The following ZNF445 variants were observed in gnomAD, a reference collection of about 807,000 sequenced individuals.
ZNF445 encodes the protein zinc finger protein 168.
A neutral mutation model predicts 93.9 loss-of-function variants in ZNF445; 19 were observed. The observed-to-expected ratio is 0.20, with a 90% CI of 0.14 to 0.30. The LOEUF (loss-of-function observed/expected upper bound fraction) is 0.30, where lower values mean the gene tolerates loss of function less well. Among genes scored for constraint, ZNF445 ranks in the 10% least tolerant of loss-of-function variants. The pLI, the probability that ZNF445 is intolerant of heterozygous loss-of-function variation, is 1.00. For synonymous variants in ZNF445, 449 were observed against 446.3 expected (o/e 1.01, Z -0.08); for missense variants, 1,058 against 1,259.4 (o/e 0.84, Z 2.42).
Position 44,454,595 on chromosome 3 carries a change from T to G in ZNF445, c.429+526A>C, listed in dbSNP as rs9838150. ...GGACTACAGTCACATGCTACCACAT[T>G]CAGCTAATTTTTGTAGAAACAGGGT... On this transcript the variant is annotated intron_variant, in intron 3 of 7. Transcript: ENST00000396077. Among the ~76,000 whole-genome samples, 1,382 of 152,102 alleles carry G rather than the reference T, an allele frequency of 9.1e-3. 20 individuals are homozygous for G. The highest frequency in any genetic ancestry group is 0.032 in the African/African-American group (1,325 of 41,472).
intron 1 of ZNF445, among the ~76,000 whole-genome samples, chr3:44,464,970 G>A (rs1698173857): frequency 1.3e-5 from 2 of 151,630 alleles, no homozygotes; most frequent in Non-Finnish European, 2.9e-5. Flanking sequence ...GGTAGGCTGA[G>A]GCAGCAGAAT....
chr3:44,467,114 C>G (rs967833455), intron 1 of ZNF445, among the ~76,000 whole-genome samples: 1 of 152,156 alleles, frequency 6.6e-6, no homozygotes, highest in Admixed American at 6.5e-5. Flanking sequence ...AGGACTCTCA[C>G]GGAAAGCTAA....
chr3:44,455,077 A>G (rs1698009208), intron 3 of ZNF445, 44 bp downstream of exon 3: 2 of 1,612,636 alleles, frequency 1.2e-6, no homozygotes, highest in Admixed American at 3.3e-5. Context: ...CTGGCTCACT[A>G]GCAGGCAGAG....
chr3:44,446,161 TG>T lies in ZNF445; in HGVS notation c.*413del. The T allele has an allele frequency of 4.8e-6, 1 of 207,976 alleles. No homozygotes were observed. The highest frequency in any genetic ancestry group is 7.9e-5 in the South Asian group (1 of 12,590). 12.9% of individuals were successfully genotyped at this position (207,976 alleles called of 1,614,324 possible). A position where few individuals can be genotyped will look rare whatever the true frequency, so the allele number is the denominator to read the frequency against. Reference sequence around the variant, plus strand: ...GCTTTTAAAGTCAACAGAATAGGCATGGCCACAGGCCAAACTTGAAGACAAA... The same window carrying T: ...GCTTTTAAAGTCAACAGAATAGGCATGCCACAGGCCAAACTTGAAGACAAA... On this transcript the variant is annotated 3_prime_UTR_variant, in exon 8 of 8. Transcript: ENST00000396077. The surrounding 1 kb of genome is among the most constrained non-coding windows in gnomAD (Gnocchi z 4.2).
At chr3:44,456,409 T>C (rs1185688787) in intron 2 of ZNF445, among the ~76,000 whole-genome samples, 1 of 151,938 alleles carries the variant, frequency 6.6e-6, no homozygotes, top group Admixed American at 6.6e-5. Context: ...AGAGCAAGGG[T>C]CTGTCTCAAA....
At chr3:44,472,688 T>C (rs1360761116) in intron 1 of ZNF445, among the ~76,000 whole-genome samples, 1 of 152,022 alleles carries the variant, frequency 6.6e-6, no homozygotes, top group Non-Finnish European at 1.5e-5. Flanking sequence ...ACCCAGAGCA[T>C]AGTGAACATA....
chr3:44,471,187 C>G (rs1166039228), intron 1 of ZNF445, among the ~76,000 whole-genome samples: 1 of 152,192 alleles, frequency 6.6e-6, no homozygotes, highest in Non-Finnish European at 1.5e-5. Context: ...TAATATGACT[C>G]TTGGTTCAGT....
At chr3:44,473,667 G>A (rs1698304442) in intron 1 of ZNF445, among the ~76,000 whole-genome samples, 1 of 151,140 alleles carries the variant, frequency 6.6e-6, no homozygotes, top group African/African-American at 2.4e-5. Flanking sequence ...AGTGACTGAT[G>A]CCAGGCTGGG....
Position 44,456,121 on chromosome 3 carries a change from T to A in ZNF445, c.-147-425A>T, listed in dbSNP as rs565244488. Among the ~76,000 whole-genome samples the A allele has an allele frequency of 1.3e-3, 203 of 152,220 alleles. 1 individual carries two copies. The highest frequency in any genetic ancestry group is 4.8e-3 in the African/African-American group (198 of 41,548). ...GGAAAGGCAATGGGATTAGAATAGCTAAAATTATGACAGGTCAGGCATGGT... is the reference window on the plus strand; with the variant it reads ...GGAAAGGCAATGGGATTAGAATAGCAAAAATTATGACAGGTCAGGCATGGT... On this transcript the variant is annotated intron_variant, in intron 2 of 7. Transcript: ENST00000396077.
At position 44,448,443 on chromosome 3, in the gene ZNF445, T is replaced by G. The variant is rs1394751831; in HGVS notation, c.1228A>C (p.Lys410Gln). The G allele has an allele frequency of 6.2e-7, 1 of 1,613,904 alleles. No homozygotes were observed. Among genetic ancestry groups the G allele is most frequent in the East Asian group, 2.2e-5 (1 of 44,906 alleles). The change falls in exon 8 of 8, where the codon AAG becomes CAG. Residue 410 changes from lysine to glutamine, a missense_variant. Coordinates refer to ENST00000396077, the MANE Select transcript of ZNF445 (RefSeq NM_181489.6). ...HVTYLRVSGR[K>Q]ESLKHGCGKH... ...CCACAGCCATGTTTAAGGGATTCCT[T>G]TCTTCCAGAAACTCTCAAATATGTA...
In ZNF445 at chr3:44,446,204, C is replaced by G. The variant is rs1697875380; in HGVS notation, c.*371G>C. The G allele has an allele frequency of 4.3e-6, 1 of 233,896 alleles. No individual in the cohort carries two copies. The highest frequency in any genetic ancestry group is 5.3e-5 in the Admixed American group (1 of 18,982). 14.5% of individuals were successfully genotyped at this position (233,896 alleles called of 1,614,324 possible). Reference sequence around the variant, plus strand: ...GAAGACAAATCTAGGATCCCACTGGCCCCTTTCCAGCAGCCATAGCCCATG... The same window carrying G: ...GAAGACAAATCTAGGATCCCACTGGGCCCTTTCCAGCAGCCATAGCCCATG... On this transcript the variant is annotated 3_prime_UTR_variant, in exon 8 of 8. Coordinates refer to ENST00000396077, the MANE Select transcript of ZNF445 (RefSeq NM_181489.6). The surrounding 1 kb of genome is among the most constrained non-coding windows in gnomAD (Gnocchi z 4.2).
chr3:44,459,163 C>T (rs1053575159), intron 1 of ZNF445, among the ~76,000 whole-genome samples: 5 of 152,146 alleles, frequency 3.3e-5, no homozygotes, highest in African/African-American at 4.8e-5. Flanking sequence ...GCACCCAGAA[C>T]ACTGCCAGAC....
chr3:44,451,278 C>A (rs1392334336), intron 4 of ZNF445, 36 bp downstream of exon 4: 2 of 1,602,788 alleles, frequency 1.2e-6, no homozygotes, highest in Non-Finnish European at 1.7e-6. Flanking sequence ...AGAAGTGTGG[C>A]ATAAGGCTGG....
chr3:44,460,378 T>C (rs934224712), intron 1 of ZNF445, among the ~76,000 whole-genome samples: 7 of 152,190 alleles, frequency 4.6e-5, no homozygotes, highest in Admixed American at 2.6e-4. Context: ...GGGGACTAGA[T>C]TGCCTTTGTA....
rs1015159912 is a variant in ZNF445, at chr3:44,442,480, TG to T, written c.*4094del. 3.3e-5 allele frequency: 5 copies of T among 152,204 alleles called. No individual in the cohort carries two copies. The highest frequency in any genetic ancestry group is 1.2e-4 in the African/African-American group (5 of 41,458). 9.4% of individuals were successfully genotyped at this position (152,204 alleles called of 1,614,324 possible). On this transcript the variant is annotated 3_prime_UTR_variant, in exon 8 of 8. Coordinates refer to ENST00000396077, the MANE Select transcript of ZNF445 (RefSeq NM_181489.6). ...GTTGTTCCACGCACTTACCCACACT[TG>T]GGCTTTCAAAAATGTGCCAGCTTTC...
At position 44,451,386 on chromosome 3, in the gene ZNF445, T is replaced by C; in HGVS notation, c.526A>G (p.Ser176Gly). 6.2e-7 allele frequency: 1 copy of C among 1,614,174 alleles called. No individual in the cohort carries two copies. The highest frequency in any genetic ancestry group is 8.5e-7 in the Non-Finnish European group (1 of 1,180,020). ...TCCAGGTGGTCCCCCAGAGCAGAGC[T>C]GCTCCTGAGAGGTGAAGCAAGGGAC... is the stretch of plus-strand genomic sequence containing the variant. Reference protein sequence around the residue: ...IWSLASPLRSSSALGDHLEPP... With the variant: ...IWSLASPLRSGSALGDHLEPP... The change falls in exon 4 of 8, where the codon AGC (serine) becomes GGC (glycine). Residue 176 changes from serine (S) to glycine (G), a missense_variant. Physicochemically the swap from Ser to Gly is moderately conservative, Grantham distance 56 (BLOSUM62 0). Transcript: ENST00000396077.
Position 44,438,995 on chromosome 3 carries a change from T to C in ZNF445, c.*7580A>G, listed in dbSNP as rs1345077746. The C allele has an allele frequency of 8.7e-6, 1 of 114,656 alleles. No individual in the cohort carries two copies. Among genetic ancestry groups the C allele is most frequent in the Non-Finnish European group, 1.7e-5 (1 of 57,500 alleles). 7.1% of individuals were successfully genotyped at this position (114,656 alleles called of 1,614,324 possible). A position where few individuals can be genotyped will look rare whatever the true frequency, so the allele number is the denominator to read the frequency against. Reference sequence around the variant, plus strand: ...AACTAACCTGCACATTGTGCACATGTACCCTAAAAGTATAAAAAAAAAAAA... The same window carrying C: ...AACTAACCTGCACATTGTGCACATGCACCCTAAAAGTATAAAAAAAAAAAA... On this transcript the variant is annotated 3_prime_UTR_variant, in exon 8 of 8. Coordinates refer to ENST00000396077, the MANE Select transcript of ZNF445 (RefSeq NM_181489.6).
Position 44,448,241 on chromosome 3 carries a change from C to T in ZNF445, c.1430G>A (p.Ser477Asn). 1 of 1,614,194 alleles carries T rather than the reference C, an allele frequency of 6.2e-7. No individual in the cohort carries two copies. Among genetic ancestry groups the T allele is most frequent in the Non-Finnish European group, 8.5e-7 (1 of 1,180,050 alleles). ...AAATGACACTCCCACTGTGTGAAGACTCTGCCCACGTTGGTGATGAGAGCT... is the reference window on the plus strand; with the variant it reads ...AAATGACACTCCCACTGTGTGAAGATTCTGCCCACGTTGGTGATGAGAGCT... ...SLSSHHQRGQSLHTVGVSFKC... is the reference protein window; with the variant it reads ...SLSSHHQRGQNLHTVGVSFKC... The change falls in exon 8 of 8, where the codon AGT becomes AAT. Residue 477 changes from serine (S) to asparagine (N), a missense_variant. Ser to Asn is a conservative substitution (Grantham distance 46, BLOSUM62 1). Coordinates refer to ENST00000396077, the MANE Select transcript of ZNF445 (RefSeq NM_181489.6).
At chr3:44,465,785 G>A (rs764808211) in intron 1 of ZNF445, among the ~76,000 whole-genome samples, 6 of 152,070 alleles carry the variant, frequency 3.9e-5, no homozygotes, top group East Asian at 1.9e-4. Context: ...GCAATGGCAC[G>A]CGCCTGTAAT....
Sources: allele counts gnomAD v4.1 joint callset (sites outside exome capture counted in the v4.1 genomes callset), GRCh38; gene constraint gnomAD v4.1.1; non-coding constraint Gnocchi (gnomAD v3.1); transcripts MANE v1.5; gene names NCBI Gene and HGNC (gene_info 2026-07-23, HGNC 2026-07-21).